GOLGA8B: variants seen among roughly 807,000 people sequenced by gnomAD.
The protein encoded by GOLGA8B is golgin A8 family member B.
GOLGA8B carries 1 observed loss-of-function variant against 15.6 expected under a neutral mutation model. The observed-to-expected ratio is 0.06, with a 90% CI of 0.02 to 0.30. The LOEUF (loss-of-function observed/expected upper bound fraction) is 0.30. Ranked by LOEUF, GOLGA8B falls within the 10% of genes least tolerant of loss-of-function variation. The pLI, the probability that GOLGA8B is intolerant of heterozygous loss-of-function variation, is 1.00. For missense variants in GOLGA8B, 17 were observed against 201.3 expected (o/e 0.08, Z 5.54); for synonymous variants, 9 against 80.3 (o/e 0.11, Z 4.75).
rs1001630397 is a variant in GOLGA8B at position 34,526,644 on chromosome 15, G to A, written c.*988C>T. ...TGATCTTTACTAAATACATTAAGAA[G>A]AATGCCAACCAGCGCCCTTTCGTGT... On this transcript the variant is annotated 3_prime_UTR_variant, in exon 24 of 24. Transcript: ENST00000683415. 1 of 149,244 alleles carries A rather than the reference G, an allele frequency of 6.7e-6. No individual in the cohort carries two copies. The highest frequency in any genetic ancestry group is 2.5e-5 in the African/African-American group (1 of 40,390). The allele number at this position is 149,244 out of a possible 1,614,324, so 9.2% of individuals were successfully genotyped here.
chr15:34,564,355 TAAAAAAAA>T, intron 1 of GOLGA8B, among the ~76,000 whole-genome samples: 1 of 105,490 alleles, frequency 9.5e-6, no homozygotes, highest in South Asian at 3.2e-4. Flanking sequence ...TGTAGATTCT[TAAAAAAAA>T]AAAAAAAAAA....
At position 34,578,793 on chromosome 15, in the gene GOLGA8B, C is replaced by T. The variant is rs1190610662; in HGVS notation, c.-1123+4723G>A. Among the ~76,000 whole-genome samples, 3 of 152,152 alleles carry T rather than the reference C, an allele frequency of 2.0e-5. 1 individual carries two copies. In the South Asian group the frequency reaches 6.2e-4, roughly 32 times the overall value. On this transcript the variant is annotated intron_variant, in intron 1 of 23. Coordinates refer to ENST00000683415, the MANE Select transcript of GOLGA8B (RefSeq NM_001023567.5). ...CAGACAACTAGAGATGAAAATATTT[C>T]CACAGTCACTCAACGCAGGTATCTC... is the stretch of plus-strand genomic sequence containing the variant.
intron 1 of GOLGA8B, among the ~76,000 whole-genome samples, chr15:34,578,146 G>C (rs1889133145): frequency 6.6e-6 from 1 of 152,176 alleles, no homozygotes; most frequent in South Asian, 2.1e-4. Context: ...GTCTTTGCCT[G>C]AGAGTTTCAC....
chr15:34,573,737 C>A (rs1276723528), intron 1 of GOLGA8B, among the ~76,000 whole-genome samples: 9 of 151,996 alleles, frequency 5.9e-5, no homozygotes, highest in Non-Finnish European at 1.0e-4. Flanking sequence ...CAGAGCAAAT[C>A]CACCTACTGC....
At chr15:34,578,015 G>A (rs1167448622) in intron 1 of GOLGA8B, among the ~76,000 whole-genome samples, 2 of 152,094 alleles carry the variant, frequency 1.3e-5, no homozygotes, top group Non-Finnish European at 2.9e-5. Context: ...TGTCATATAC[G>A]CTATCACTCA....
chr15:34,557,036 T>G, intron 1 of GOLGA8B, among the ~76,000 whole-genome samples: 1 of 140,498 alleles, frequency 7.1e-6, no homozygotes, highest in South Asian at 2.3e-4. Context: ...CTAAAGCCGG[T>G]TGAGGGCTGA....
chr15:34,564,461 C>T (rs1377213942), intron 1 of GOLGA8B, among the ~76,000 whole-genome samples: 3 of 146,314 alleles, frequency 2.1e-5, no homozygotes, highest in African/African-American at 7.5e-5. Context: ...TTAGAAACAG[C>T]TGAGTTTTGG....
chr15:34,562,581 TTTTTC>T (rs1336290714), intron 1 of GOLGA8B, among the ~76,000 whole-genome samples: 1 of 133,362 alleles, frequency 7.5e-6, no homozygotes, highest in African/African-American at 2.6e-5. Context: ...TAGCATGTCT[TTTTTC>T]TTTAATAATT....
chr15:34,568,879 T>C (rs1204796952), intron 1 of GOLGA8B, among the ~76,000 whole-genome samples: 4 of 135,180 alleles, frequency 3.0e-5, no homozygotes, highest in South Asian at 2.3e-4. Flanking sequence ...CAGAAGGGGG[T>C]TGGAATCTCC....
chr15:34,567,330 C>T (rs1313788818), intron 1 of GOLGA8B, among the ~76,000 whole-genome samples: 2 of 149,178 alleles, frequency 1.3e-5, no homozygotes, highest in Non-Finnish European at 3.0e-5. Context: ...TACAAAACCA[C>T]ATGGGCCCTC....
intron 1 of GOLGA8B, among the ~76,000 whole-genome samples, chr15:34,554,355 C>T (rs904100719): frequency 6.6e-6 from 1 of 152,248 alleles, no homozygotes; most frequent in Non-Finnish European, 1.5e-5. Context: ...CATGTGTGTG[C>T]ATACGTACAT....
At chr15:34,575,106 T>TAAAAAAAA (rs67726333) in intron 1 of GOLGA8B, among the ~76,000 whole-genome samples, 3 of 138,370 alleles carry the variant, frequency 2.2e-5, no homozygotes, top group Admixed American at 7.3e-5. Flanking sequence ...TAAATCCTTG[T>TAAAAAAAA]AAAAAAAAAA....
chr15:34,580,397 G>T (rs1313663669), intron 1 of GOLGA8B, among the ~76,000 whole-genome samples: 2 of 152,190 alleles, frequency 1.3e-5, no homozygotes, highest in African/African-American at 4.8e-5. Context: ...ATTGGGCCTG[G>T]GCCAACTTGC....
At chr15:34,558,020 T>G (rs1888537007) in intron 1 of GOLGA8B, among the ~76,000 whole-genome samples, 1 of 133,926 alleles carries the variant, frequency 7.5e-6, no homozygotes, top group South Asian at 2.3e-4. Context: ...AGATGTGGAA[T>G]GAAATGGAGC....
chr15:34,567,818 A>G (rs1888805933), intron 1 of GOLGA8B, among the ~76,000 whole-genome samples: 1 of 151,852 alleles, frequency 6.6e-6, no homozygotes, highest in Non-Finnish European at 1.5e-5. Context: ...AGAAGGCTGC[A>G]TGGGTTGAGG....
At position 34,528,147 on chromosome 15, in the gene GOLGA8B, CCCACCCCA is replaced by C. The variant is rs1226161709; in HGVS notation, c.1453+34_1453+41del. The C allele has an allele frequency of 1.4e-4, 34 of 243,178 alleles. 1 individual carries two copies. In the African/African-American group the frequency reaches 6.6e-3, roughly 48 times the overall value. 15.1% of individuals were successfully genotyped at this position (243,178 alleles called of 1,614,324 possible). On this transcript the variant is annotated intron_variant, in intron 22 of 23. Coordinates refer to ENST00000683415, the MANE Select transcript of GOLGA8B (RefSeq NM_001023567.5). ...CCCTCATGCCCACCCCACCCACACC[CCCACCCCA>C]CCCCCACCCCCACAGGGATGTTGCA...
intron 1 of GOLGA8B, among the ~76,000 whole-genome samples, chr15:34,575,256 C>T (rs2081216692): frequency 2.0e-5 from 3 of 151,922 alleles, no homozygotes; most frequent in South Asian, 2.1e-4. Context: ...CACCTGCCCC[C>T]GCCACCCTCC....
intron 1 of GOLGA8B, among the ~76,000 whole-genome samples, chr15:34,577,792 C>A (rs1187291825): frequency 1.3e-5 from 2 of 152,140 alleles, no homozygotes; most frequent in Non-Finnish European, 2.9e-5. Context: ...AAAGATAAAA[C>A]ATGGTGCCCC....
At chr15:34,571,339 A>G (rs1888908223) in intron 1 of GOLGA8B, among the ~76,000 whole-genome samples, 1 of 152,172 alleles carries the variant, frequency 6.6e-6, no homozygotes, top group African/African-American at 2.4e-5. Flanking sequence ...AAAAAAATAA[A>G]GCTTATCTAT....
Sources: gnomAD v4.1 joint callset for allele counts (sites outside exome capture counted in the v4.1 genomes callset) on GRCh38, gnomAD v4.1.1 for gene constraint, MANE v1.5 for transcripts, NCBI Gene and HGNC (gene_info 2026-07-23, HGNC 2026-07-21) for gene names.